SPATA13: variants seen among roughly 807,000 people sequenced by gnomAD.
SPATA13 encodes spermatogenesis associated 13, also known as spermatogenesis-associated protein 13.
In SPATA13, 50 loss-of-function variants were observed where a neutral mutation model predicts 104.0. That is an observed-to-expected ratio of 0.48 (90% confidence interval 0.38 to 0.61). The LOEUF (loss-of-function observed/expected upper bound fraction) is 0.61, where lower values mean the gene tolerates loss of function less well. Ranked by LOEUF, SPATA13 falls within the 20% of genes least tolerant of loss-of-function variation. The pLI, the probability that SPATA13 is intolerant of heterozygous loss-of-function variation, is 0.00. For synonymous variants in SPATA13, 606 were observed against 667.5 expected, an observed-to-expected ratio of 0.91 and a Z score of 1.42; for missense variants, 1,524 against 1,690.6, an observed-to-expected ratio of 0.90 and a Z score of 1.73.
intron 4 of SPATA13, among the ~76,000 whole-genome samples, chr13:24,262,034 G>C (rs532387887): frequency 6.6e-6 from 1 of 152,136 alleles, no homozygotes; most frequent in Admixed American, 6.6e-5. Context: ...ATGTGTCAGC[G>C]TTTATTCTCA....
intron 1 of SPATA13, among the ~76,000 whole-genome samples, chr13:24,165,962 A>G (rs548424463): frequency 2.6e-5 from 4 of 152,270 alleles, no homozygotes; most frequent in South Asian, 2.1e-4. Flanking sequence ...CTCTATAGCT[A>G]AAAGAAAAAT....
At chr13:24,143,675 C>T (rs1413207303) in intron 3 of SPATA13, among the ~76,000 whole-genome samples, 2 of 152,160 alleles carry the variant, frequency 1.3e-5, no homozygotes, top group Non-Finnish European at 2.9e-5. Flanking sequence ...ATACCACCCA[C>T]AGGGAACCCG....
intron 2 of SPATA13, among the ~76,000 whole-genome samples, chr13:24,247,321 G>A (rs776254035): frequency 4.0e-4 from 61 of 152,156 alleles, no homozygotes; most frequent in Non-Finnish European, 8.1e-4. Context: ...AAGAACTCAC[G>A]AAGCCCATTG....
intron 10 of SPATA13, among the ~76,000 whole-genome samples, chr13:24,295,783 T>C (rs1391567015): frequency 6.6e-6 from 1 of 152,186 alleles, no homozygotes; most frequent in East Asian, 1.9e-4. Flanking sequence ...TTTGTACATA[T>C]ATGAACTCAT....
intron 4 of SPATA13, among the ~76,000 whole-genome samples, chr13:24,263,180 A>G (rs1022293842): frequency 6.6e-6 from 1 of 152,172 alleles, no homozygotes; most frequent in African/African-American, 2.4e-5. Context: ...TGTTTTTTGA[A>G]TTATCTCTTG....
chr13:24,160,700 G>A (rs572759749), upstream of SPATA13: 6 of 985,504 alleles, frequency 6.1e-6, 1 homozygote, highest in South Asian at 2.3e-4. Flanking sequence ...TGGGGAGCGG[G>A]GCTGGGGCGT....
intron 3 of SPATA13, among the ~76,000 whole-genome samples, chr13:24,060,049 G>T (rs1878721530): frequency 6.6e-6 from 1 of 152,154 alleles, no homozygotes; most frequent in Non-Finnish European, 1.5e-5. Flanking sequence ...AAGTTCCAAT[G>T]ACATTCTTCA....
chr13:24,070,587 C>T (rs887168038), intron 3 of SPATA13, among the ~76,000 whole-genome samples: 6 of 152,122 alleles, frequency 3.9e-5, no homozygotes, highest in African/African-American at 4.8e-5. Context: ...CTTGACTGGG[C>T]CACAGGGTGC....
At chr13:23,993,281 A>G (rs1875500598) in intron 2 of SPATA13, among the ~76,000 whole-genome samples, 1 of 152,232 alleles carries the variant, frequency 6.6e-6, no homozygotes, top group South Asian at 2.1e-4. Context: ...TCTGTAGTCC[A>G]AGGCAGTGGC....
chr13:24,165,160 T>A (rs1261653515), intron 1 of SPATA13, among the ~76,000 whole-genome samples: 1 of 152,164 alleles, frequency 6.6e-6, no homozygotes, highest in African/African-American at 2.4e-5. Flanking sequence ...GGACCTGACT[T>A]CTTGGTGAGC....
At chr13:24,287,967 GC>G (rs1415974951) in intron 7 of SPATA13, among the ~76,000 whole-genome samples, 1 of 152,224 alleles carries the variant, frequency 6.6e-6, no homozygotes, top group Non-Finnish European at 1.5e-5. Flanking sequence ...TCAGAGAACT[GC>G]CCGTTCTCTA....
chr13:24,038,882 T>C (rs1235554502), intron 3 of SPATA13, among the ~76,000 whole-genome samples: 1 of 152,166 alleles, frequency 6.6e-6, no homozygotes, highest in African/African-American at 2.4e-5. Flanking sequence ...CAATCATAGG[T>C]AATTCTAGTC....
intron 2 of SPATA13, among the ~76,000 whole-genome samples, chr13:23,991,043 A>G (rs1292543749): frequency 2.0e-5 from 3 of 152,214 alleles, no homozygotes; most frequent in African/African-American, 7.2e-5. Context: ...GCTCAAGGTT[A>G]AGATCAGGCA....
intron 1 of SPATA13, among the ~76,000 whole-genome samples, chr13:24,166,326 G>A (rs1882731390): frequency 6.6e-6 from 1 of 152,182 alleles, no homozygotes; most frequent in African/African-American, 2.4e-5. Flanking sequence ...TCAGTTAGGG[G>A]AGAAGATGAG....
At chr13:24,238,179 C>T (rs1305936956) in intron 2 of SPATA13, among the ~76,000 whole-genome samples, 1 of 147,452 alleles carries the variant, frequency 6.8e-6, no homozygotes, top group Non-Finnish European at 1.5e-5. Context: ...CTCTATCTCC[C>T]AGACTCTTGC....
intron 5 of SPATA13, among the ~76,000 whole-genome samples, chr13:24,285,178 G>A (rs1304719646): frequency 6.6e-6 from 1 of 152,200 alleles, no homozygotes; most frequent in Non-Finnish European, 1.5e-5. Context: ...GTGGCCAGGG[G>A]ATGGAGGAGC....
chr13:24,169,309 G>T (rs1882870164), intron 1 of SPATA13, among the ~76,000 whole-genome samples: 1 of 152,192 alleles, frequency 6.6e-6, no homozygotes, highest in Admixed American at 6.5e-5. Flanking sequence ...ACCCTGGAAA[G>T]CTCCCCTTGA....
At chr13:24,225,429 A>G (rs1433716179) in intron 2 of SPATA13, among the ~76,000 whole-genome samples, 1 of 152,256 alleles carries the variant, frequency 6.6e-6, no homozygotes, top group Non-Finnish European at 1.5e-5. Context: ...AGATACCAGG[A>G]ATCACAGAGC....
At chr13:24,057,313 C>A (rs1181646273) in intron 3 of SPATA13, among the ~76,000 whole-genome samples, 4 of 151,360 alleles carry the variant, frequency 2.6e-5, no homozygotes, top group Non-Finnish European at 5.9e-5. Flanking sequence ...CGGCCTGTGG[C>A]GCTTTGCACT....
Sources: allele counts gnomAD v4.1 joint callset (sites outside exome capture counted in the v4.1 genomes callset), GRCh38; gene constraint gnomAD v4.1.1; transcripts MANE v1.5; gene names NCBI Gene and HGNC (gene_info 2026-07-23, HGNC 2026-07-21).